COL26A1: variants seen among roughly 807,000 people sequenced by gnomAD.
COL26A1 encodes the protein collagen alpha-1(XXVI) chain.
A neutral mutation model predicts 59.3 loss-of-function variants in COL26A1; 41 were observed. That is an observed-to-expected ratio of 0.69 (90% CI 0.54 to 0.90). The LOEUF is 0.90. Among genes scored for constraint, COL26A1 ranks in the 40% least tolerant of loss-of-function variants. The pLI is 0.00. For synonymous variants in COL26A1, 266 were observed against 256.0 expected (o/e 1.04, Z -0.37); for missense variants, 612 against 602.3 (o/e 1.02, Z -0.17).
chr7:101,451,073 A>G (rs1793325638), intron 3 of COL26A1, among the ~76,000 whole-genome samples: 1 of 140,768 alleles, frequency 7.1e-6, no homozygotes, highest in African/African-American at 2.5e-5. Context: ...TTCCAGTAAC[A>G]TATAATATAT....
intron 3 of COL26A1, among the ~76,000 whole-genome samples, chr7:101,525,713 G>C (rs1001581524): frequency 6.6e-6 from 1 of 151,928 alleles, no homozygotes; most frequent in African/African-American, 2.4e-5. Flanking sequence ...AGCCAGGATG[G>C]TCTCGATCTC....
At chr7:101,532,202 T>C (rs1244766041) in intron 3 of COL26A1, among the ~76,000 whole-genome samples, 1 of 151,722 alleles carries the variant, frequency 6.6e-6, no homozygotes, top group Non-Finnish European at 1.5e-5. Context: ...TTGGGCGGGG[T>C]CAGCATCACA....
At position 101,366,494 on chromosome 7, in the gene COL26A1, TTTTTTTTTTTTTTTTTTTTTTTTA is replaced by T. The variant is rs1356845801; in HGVS notation, c.158+3305_158+3328del. ...GTCTGATTTTTTTTTTTTTTTTTTT[TTTTTTTTTTTTTTTTTTTTTTTTA>T]AAGACAGGGTCTTGCTCTGTCACCC... On this transcript the variant is annotated intron_variant, in intron 1 of 12. Coordinates refer to ENST00000313669, the MANE Select transcript of COL26A1 (RefSeq NM_001278563.3). Among the ~76,000 whole-genome samples the T allele has an allele frequency of 5.7e-3, 262 of 46,082 alleles. 5 individuals are homozygous for T. Among genetic ancestry groups the T allele is most frequent in the African/African-American group, 0.022 (117 of 5,354 alleles). 30.2% of individuals were successfully genotyped at this position (46,082 alleles called of 152,430 possible).
chr7:101,544,949 G>T (rs62465097), intron 6 of COL26A1, among the ~76,000 whole-genome samples: 10,804 of 152,224 alleles, frequency 0.071, 508 homozygotes, highest in Middle Eastern at 0.15. Context: ...CTCCTCCTGG[G>T]TCCTGCCGGG....
At position 101,489,751 on chromosome 7, in the gene COL26A1, TGTCTC is replaced by T. The variant is rs1413651073; in HGVS notation, c.385+41965_385+41969del. On this transcript the variant is annotated intron_variant, in intron 3 of 12. Coordinates refer to ENST00000313669, the MANE Select transcript of COL26A1 (RefSeq NM_001278563.3). Reference sequence around the variant, plus strand: ...TCTCTCTCTTTCTCTCTTTCTTTCTTGTCTCTCTTTCTTTCTTTCTTTCTTTCTTT... The same window carrying T: ...TCTCTCTCTTTCTCTCTTTCTTTCTTTCTTTCTTTCTTTCTTTCTTTCTTT... 4.0e-3 allele frequency among the ~76,000 whole-genome samples: 229 copies of T among 57,170 alleles called. 64 individuals carry two copies. The highest frequency in any genetic ancestry group is 4.7e-3 in the African/African-American group (30 of 6,344). 37.5% of individuals were successfully genotyped at this position (57,170 alleles called of 152,430 possible). A position where few individuals can be genotyped will look rare whatever the true frequency, so the allele number is the denominator to read the frequency against.
chr7:101,395,682 C>T (rs1195745520), intron 1 of COL26A1, among the ~76,000 whole-genome samples: 2 of 152,176 alleles, frequency 1.3e-5, no homozygotes, highest in Admixed American at 6.5e-5. Context: ...TTCTTGTGGT[C>T]AACCCCCTGG....
At chr7:101,501,935 G>C (rs1395058129) in intron 3 of COL26A1, among the ~76,000 whole-genome samples, 1 of 152,046 alleles carries the variant, frequency 6.6e-6, no homozygotes, top group Non-Finnish European at 1.5e-5. Context: ...TACATGGGCT[G>C]CGTGTGCAGC....
At chr7:101,540,195 G>A in intron 5 of COL26A1, 146 bp downstream of exon 5, 1 of 848,202 alleles carries the variant, frequency 1.2e-6, no homozygotes, top group Non-Finnish European at 1.7e-6. Flanking sequence ...GCTAACAGTT[G>A]AAAATGGGTA....
At chr7:101,367,752 C>T (rs1791084648) in intron 1 of COL26A1, among the ~76,000 whole-genome samples, 1 of 152,062 alleles carries the variant, frequency 6.6e-6, no homozygotes, top group African/African-American at 2.4e-5. Context: ...AAGAAGGTGG[C>T]TGTCTGCAAA....
At chr7:101,426,387 C>T (rs1792648760) in intron 2 of COL26A1, among the ~76,000 whole-genome samples, 1 of 152,134 alleles carries the variant, frequency 6.6e-6, no homozygotes, top group African/African-American at 2.4e-5. Flanking sequence ...GGAGAGGCGG[C>T]CAGGTCTCAG....
intron 3 of COL26A1, among the ~76,000 whole-genome samples, chr7:101,462,703 A>AC (rs1184892626): frequency 1.3e-5 from 2 of 151,476 alleles, no homozygotes; most frequent in Non-Finnish European, 2.9e-5. Context: ...GTTTACTGGG[A>AC]CCCCCATGCT....
At chr7:101,521,132 T>A (rs1795133907) in intron 3 of COL26A1, among the ~76,000 whole-genome samples, 1 of 152,142 alleles carries the variant, frequency 6.6e-6, no homozygotes, top group South Asian at 2.1e-4. Flanking sequence ...GGAGAGAGAA[T>A]GTGTGCAGGG....
chr7:101,411,623 C>T (rs1013619710), intron 1 of COL26A1, among the ~76,000 whole-genome samples: 8 of 151,994 alleles, frequency 5.3e-5, no homozygotes, highest in African/African-American at 2.4e-5. Flanking sequence ...AGGAGCAAGT[C>T]GGGGTTGAAT....
At chr7:101,442,403 T>A (rs867462664) in intron 2 of COL26A1, among the ~76,000 whole-genome samples, 17 of 151,422 alleles carry the variant, frequency 1.1e-4, no homozygotes, top group Admixed American at 2.0e-4. Context: ...CTCGGCTCAC[T>A]GCAACCTCCG....
chr7:101,457,580 C>G (rs1343103744), intron 3 of COL26A1, among the ~76,000 whole-genome samples: 2 of 152,140 alleles, frequency 1.3e-5, no homozygotes, highest in African/African-American at 4.8e-5. Context: ...AGCAAAGACC[C>G]CCAGCGTGTG....
At chr7:101,538,393 A>G (rs555739153) in intron 4 of COL26A1, among the ~76,000 whole-genome samples, 1 of 152,332 alleles carries the variant, frequency 6.6e-6, no homozygotes, top group African/African-American at 2.4e-5. Flanking sequence ...GGTTTGGTGG[A>G]TGAGGCACCA....
At chr7:101,376,525 G>C (rs1439390691) in intron 1 of COL26A1, among the ~76,000 whole-genome samples, 1 of 152,104 alleles carries the variant, frequency 6.6e-6, no homozygotes, top group Non-Finnish European at 1.5e-5. Context: ...TAGGTTTCCG[G>C]TGCTCTCCCA....
chr7:101,486,918 G>C (rs1794280940), intron 3 of COL26A1, among the ~76,000 whole-genome samples: 2 of 152,216 alleles, frequency 1.3e-5, no homozygotes, highest in Admixed American at 1.3e-4. Context: ...CCGTGGCCCT[G>C]TGTTTGCCCC....
At chr7:101,500,395 C>G (rs1794677528) in intron 3 of COL26A1, among the ~76,000 whole-genome samples, 1 of 152,172 alleles carries the variant, frequency 6.6e-6, no homozygotes, top group Non-Finnish European at 1.5e-5. Context: ...CTGGCCGTTG[C>G]TTATGGTTTT....
Sources: allele counts gnomAD v4.1 joint callset (sites outside exome capture counted in the v4.1 genomes callset), GRCh38; gene constraint gnomAD v4.1.1; transcripts MANE v1.5; gene names NCBI Gene and HGNC (gene_info 2026-07-23, HGNC 2026-07-21).